Variants in GSE1 observed in about 807,000 individuals in gnomAD.
GSE1 encodes the protein genetic suppressor element 1.
Under a neutral mutation model 112.6 loss-of-function variants are expected in GSE1, and 32 were observed. The ratio of observed to expected loss-of-function variants is 0.28; its 90% CI spans 0.21 to 0.38. The LOEUF (loss-of-function observed/expected upper bound fraction) is 0.38. Ranked by LOEUF, GSE1 falls within the 10% of genes least tolerant of loss-of-function variation. The pLI is 1.00. For synonymous variants in GSE1, 1,115 were observed against 735.6 expected (o/e 1.52, Z -8.35); for missense variants, 2,348 against 1,699.2 (o/e 1.38, Z -6.71).
chr16:85,326,098 T>C (rs2046222720), intron 1 of GSE1, among the ~76,000 whole-genome samples: 1 of 152,100 alleles, frequency 6.6e-6, no homozygotes, highest in Admixed American at 6.5e-5. Flanking sequence ...GGGTAGAAAG[T>C]TGGCCTGACG....
Position 85,661,211 on chromosome 16 carries a change from C to G in GSE1, c.1706C>G (p.Pro569Arg). 6.2e-7 allele frequency: 1 copy of G among 1,608,126 alleles called. No individual in the cohort carries two copies. The highest frequency in any genetic ancestry group is 1.1e-5 in the South Asian group (1 of 90,914). ...CCGCAGCACTTTGGGGGGCCACCAC[C>G]TCTGATTTCGCCCAAGCCCCAGCTC... ...DPPQHFGGPP[P>R]LISPKPQLHA... The change falls in exon 9 of 16, where the codon CCT (proline) becomes CGT (arginine). Residue 569 changes from proline to arginine, a missense_variant. By Grantham distance (103) the Pro-to-Arg change is moderately radical (BLOSUM62 -2). Transcript: ENST00000253458.
At position 85,245,370 on chromosome 16, in the gene GSE1, A is replaced by G. The variant is rs569512334; in HGVS notation, c.2283+73563A>G. ...AGACTTTCTGCCGGGAGCATGGTGA[A>G]GGGAAGTTCGCTTGCTGTGTGTGGA... On this transcript the variant is annotated intron_variant, in intron 1 of 2. Coordinates refer to the GSE1 transcript ENST00000637419. Among the ~76,000 whole-genome samples, 9 of 152,300 alleles carry G rather than the reference A, an allele frequency of 5.9e-5. No individual in the cohort carries two copies. In the South Asian group the frequency reaches 1.9e-3, roughly 32 times the overall value.
At chr16:85,210,094 C>T (rs1192793103) in intron 1 of GSE1, among the ~76,000 whole-genome samples, 3 of 152,178 alleles carry the variant, frequency 2.0e-5, no homozygotes, top group Non-Finnish European at 1.5e-5. Context: ...AAATATGGCT[C>T]ATTCATATTG....
chr16:85,324,542 G>A (rs1218166033), intron 1 of GSE1, among the ~76,000 whole-genome samples: 3 of 151,656 alleles, frequency 2.0e-5, no homozygotes, highest in Non-Finnish European at 2.9e-5. Flanking sequence ...AGAAAACATC[G>A]GAACATCGGT....
At chr16:85,459,821 A>C (rs568410963) in intron 2 of GSE1, among the ~76,000 whole-genome samples, 23 of 152,326 alleles carry the variant, frequency 1.5e-4, no homozygotes, top group African/African-American at 5.5e-4. Flanking sequence ...TGTTTTGTGC[A>C]AGGCTGAACA....
intron 1 of GSE1, among the ~76,000 whole-genome samples, chr16:85,315,778 G>A (rs192376570): frequency 8.5e-5 from 13 of 152,358 alleles, no homozygotes; most frequent in Admixed American, 7.2e-4. Flanking sequence ...TTGTTCATCC[G>A]AAATGAACTG....
At chr16:85,586,629 G>A (rs1038007678) in intron 1 of GSE1, among the ~76,000 whole-genome samples, 11 of 152,306 alleles carry the variant, frequency 7.2e-5, no homozygotes, top group Admixed American at 4.6e-4. Context: ...CGGGCCCGAC[G>A]CCGGCCCCCG....
At chr16:85,553,494 C>T (rs551146921), upstream of GSE1, among the ~76,000 whole-genome samples, 173 of 151,786 alleles carry the variant, frequency 1.1e-3, 2 homozygotes, top group African/African-American at 4.0e-3. Context: ...AGCTCTGGCG[C>T]CCTCCCCTGC....
chr16:85,614,217 C>G (rs2048213963), intron 1 of GSE1, among the ~76,000 whole-genome samples: 1 of 152,218 alleles, frequency 6.6e-6, no homozygotes, highest in African/African-American at 2.4e-5. Context: ...TGCGCCTCCC[C>G]GCCCCCAGCC....
At chr16:85,600,587 AACACAC>A (rs771929185) in intron 1 of GSE1, among the ~76,000 whole-genome samples, 18 of 146,560 alleles carry the variant, frequency 1.2e-4, no homozygotes, top group South Asian at 4.4e-4. Context: ...ACACACCCCA[AACACAC>A]ACACACACAC....
At chr16:85,319,919 A>G (rs925392640) in intron 1 of GSE1, among the ~76,000 whole-genome samples, 2 of 152,230 alleles carry the variant, frequency 1.3e-5, no homozygotes, top group African/African-American at 4.8e-5. Context: ...ATGCTTGTTG[A>G]GTCCATGGGT....
At position 85,488,678 on chromosome 16, in the gene GSE1, G is replaced by C. The variant is rs2050916275; in HGVS notation, c.2464+131035G>C. Among the ~76,000 whole-genome samples the C allele has an allele frequency of 2.0e-5, 3 of 152,306 alleles. No individual in the cohort carries two copies. In the South Asian group the frequency reaches 6.2e-4, roughly 32 times the overall value. On this transcript the variant is annotated intron_variant, in intron 2 of 2. Coordinates refer to the GSE1 transcript ENST00000637419. ...CCGGAGGTCATGAAGTTGGACTTGG[G>C]TTTCGAAGGATGTGCAGGAGTTGTG...
intron 2 of GSE1, among the ~76,000 whole-genome samples, chr16:85,473,906 C>G (rs896912264): frequency 6.6e-6 from 1 of 151,758 alleles, no homozygotes; most frequent in Non-Finnish European, 1.5e-5. Context: ...TGACCAGCTC[C>G]GAAAAAAGAG....
At chr16:85,422,707 G>A (rs910341255) in intron 2 of GSE1, among the ~76,000 whole-genome samples, 1 of 152,206 alleles carries the variant, frequency 6.6e-6, no homozygotes, top group Non-Finnish European at 1.5e-5. Flanking sequence ...CAGAGGCCCT[G>A]CAGGTGCAGA....
chr16:85,585,011 G>A (rs1057316233), intron 1 of GSE1, among the ~76,000 whole-genome samples: 5 of 152,238 alleles, frequency 3.3e-5, no homozygotes, highest in African/African-American at 7.2e-5. Flanking sequence ...CGAAGACCTC[G>A]TCTTCCAAGG....
At chr16:85,391,611 T>C (rs1262760775) in intron 2 of GSE1, among the ~76,000 whole-genome samples, 1 of 152,212 alleles carries the variant, frequency 6.6e-6, no homozygotes, top group Admixed American at 6.5e-5. Flanking sequence ...AATTCCCCTC[T>C]TTTTATAAGG....
At chr16:85,656,724 C>A (rs2051989859) in intron 7 of GSE1, 59 bp downstream of exon 7, 13 of 1,442,570 alleles carry the variant, frequency 9.0e-6, no homozygotes, top group Non-Finnish European at 1.2e-5. Flanking sequence ...GGGGAGGAGC[C>A]CTGAATCGCA....
intron 2 of GSE1, among the ~76,000 whole-genome samples, chr16:85,398,569 C>T (rs2048019784): frequency 6.6e-6 from 1 of 152,132 alleles, no homozygotes. Flanking sequence ...AGGACATGGC[C>T]ACACATGGCC....
chr16:85,240,936 G>A (rs1368489025), intron 1 of GSE1, among the ~76,000 whole-genome samples: 1 of 152,166 alleles, frequency 6.6e-6, no homozygotes, highest in African/African-American at 2.4e-5. Flanking sequence ...TTCCCATCCT[G>A]CTAGCTCCCT....
Sources: gnomAD v4.1 joint callset for allele counts (sites outside exome capture counted in the v4.1 genomes callset) on GRCh38, gnomAD v4.1.1 for gene constraint, MANE v1.5 for transcripts, NCBI Gene and HGNC (gene_info 2026-07-23, HGNC 2026-07-21) for gene names.